Variants in ABCB4 observed in about 807,000 individuals in gnomAD.
ABCB4 encodes ATP binding cassette subfamily B member 4.
Under a neutral mutation model 145.7 loss-of-function variants are expected in ABCB4, and 76 were observed. The observed-to-expected ratio is 0.52, with a 90% confidence interval of 0.43 to 0.63. The LOEUF is 0.63. ABCB4 is among the 30% of genes least tolerant of loss of function. The pLI, the probability that ABCB4 is intolerant of heterozygous loss-of-function variation, is 0.00. For missense variants in ABCB4, 1,234 were observed against 1,553.1 expected (o/e 0.79, Z 3.45); for synonymous variants, 517 against 566.8 (o/e 0.91, Z 1.25).
At chr7:87,430,978 C>T (rs1304264571) in intron 15 of ABCB4, among the ~76,000 whole-genome samples, 1 of 152,180 alleles carries the variant, frequency 6.6e-6, no homozygotes, top group African/African-American at 2.4e-5. Flanking sequence ...AACCCTACAG[C>T]AGTGCTCTGG....
the ABCB4 span, among the ~76,000 whole-genome samples, chr7:87,388,310 A>G: frequency 2.6e-5 from 4 of 152,222 alleles, no homozygotes. Flanking sequence ...AAGAGCCTGT[A>G]TAGCCAAAAC....
the ABCB4 span, among the ~76,000 whole-genome samples, chr7:87,366,298 T>G: frequency 6.6e-6 from 1 of 152,142 alleles, no homozygotes; most frequent in Non-Finnish European, 1.5e-5. Context: ...TGGTATCCTT[T>G]TTGTTTCCCT....
intron 10 of ABCB4, among the ~76,000 whole-genome samples, chr7:87,444,644 A>G (rs1467687079): frequency 1.3e-5 from 2 of 152,212 alleles, no homozygotes; most frequent in African/African-American, 4.8e-5. Context: ...AAATGAGATC[A>G]GTATTATTAT....
intron 14 of ABCB4, among the ~76,000 whole-genome samples, chr7:87,436,430 C>A (rs2116654003): frequency 6.6e-6 from 1 of 152,046 alleles, no homozygotes; most frequent in South Asian, 2.1e-4. Context: ...ATAGGCATAA[C>A]TTCTGGGGCT....
At chr7:87,444,000 C>T (rs1811173181) in intron 10 of ABCB4, among the ~76,000 whole-genome samples, 2 of 152,258 alleles carry the variant, frequency 1.3e-5, no homozygotes, top group South Asian at 4.1e-4. Flanking sequence ...AGATATTCAT[C>T]TCATTTCATA....
At chr7:87,378,362 A>AAAAG in the ABCB4 span, among the ~76,000 whole-genome samples, 1 of 150,388 alleles carries the variant, frequency 6.6e-6, no homozygotes, top group African/African-American at 2.4e-5. Flanking sequence ...AAAAAAAAAA[A>AAAAG]GGGTTCAGTA....
chr7:87,407,438 A>G (rs990343555), intron 25 of ABCB4, among the ~76,000 whole-genome samples: 1 of 152,218 alleles, frequency 6.6e-6, no homozygotes, highest in African/African-American at 2.4e-5. Context: ...GTGACTGTCT[A>G]ATGGGGACAG....
At chr7:87,411,549 C>A (rs1190511215) in intron 23 of ABCB4, among the ~76,000 whole-genome samples, 1 of 152,128 alleles carries the variant, frequency 6.6e-6, no homozygotes, top group African/African-American at 2.4e-5. Context: ...AGCTATATAA[C>A]CCTGTTTTGA....
the ABCB4 span, among the ~76,000 whole-genome samples, chr7:87,394,722 T>TG: frequency 3.3e-5 from 5 of 152,148 alleles, no homozygotes; most frequent in Admixed American, 1.3e-4. Flanking sequence ...TAAAAAGGCA[T>TG]ACCTATAGAC....
At chr7:87,429,881 C>A in intron 15 of ABCB4, among the ~76,000 whole-genome samples, 1 of 147,330 alleles carries the variant, frequency 6.8e-6, no homozygotes, top group African/African-American at 2.5e-5. Flanking sequence ...CACCATTTAT[C>A]ATCATCTAAT....
intron 4 of ABCB4, among the ~76,000 whole-genome samples, chr7:87,455,301 T>A (rs1218708903): frequency 6.6e-6 from 1 of 152,226 alleles, no homozygotes; most frequent in Non-Finnish European, 1.5e-5. Context: ...TTGAGCTAAT[T>A]TGATAAAATG....
chr7:87,441,921 G>C (rs1184110353), intron 12 of ABCB4, among the ~76,000 whole-genome samples: 3 of 152,056 alleles, frequency 2.0e-5, no homozygotes, highest in Admixed American at 2.0e-4. Context: ...TTTCATCATA[G>C]TTTTATTGGT....
intron 7 of ABCB4, among the ~76,000 whole-genome samples, chr7:87,451,122 C>T (rs1021617618): frequency 6.6e-6 from 1 of 150,716 alleles, no homozygotes; most frequent in East Asian, 2.0e-4. Flanking sequence ...TAAGGGTAAT[C>T]GAAGTAAGAA....
At chr7:87,458,172 G>A (rs183500995) in intron 4 of ABCB4, among the ~76,000 whole-genome samples, 21 of 152,156 alleles carry the variant, frequency 1.4e-4, no homozygotes, top group African/African-American at 4.1e-4. Context: ...CTATTTTCCC[G>A]CAGAATTTTC....
the ABCB4 span, among the ~76,000 whole-genome samples, chr7:87,381,661 G>A: frequency 6.6e-6 from 1 of 152,034 alleles, no homozygotes; most frequent in South Asian, 2.1e-4. Context: ...ACACCCTCAT[G>A]ACCCCAAGCC....
rs774825940 is a variant in ABCB4, at chr7:87,455,145, G to A, written c.287-553C>T. 7.9e-5 allele frequency among the ~76,000 whole-genome samples: 12 copies of A among 152,302 alleles called. No individual in the cohort carries two copies. The South Asian group carries it at 8.3e-4, about 11-fold the overall frequency. ...CGCAAAGGAGGAAAAACTAGACAGG[G>A]AAGATAACTTAGTTGCTCAAAGGCA... is the stretch of plus-strand genomic sequence containing the variant. On this transcript the variant is annotated intron_variant, in intron 4 of 27. Transcript: ENST00000649586.
downstream of ABCB4, among the ~76,000 whole-genome samples, chr7:87,400,025 G>A (rs1234961126): frequency 6.6e-6 from 1 of 152,026 alleles, no homozygotes; most frequent in Admixed American, 6.6e-5. Flanking sequence ...CTGTAAATTT[G>A]GTGGCTGGGA....
At chr7:87,366,423 C>A in the ABCB4 span, among the ~76,000 whole-genome samples, 13 of 152,234 alleles carry the variant, frequency 8.5e-5, no homozygotes, top group South Asian at 2.7e-3. Flanking sequence ...CCTGCCCATT[C>A]CCCTTCATCT....
At chr7:87,467,796 C>T (rs1813031767) in intron 3 of ABCB4, among the ~76,000 whole-genome samples, 1 of 152,164 alleles carries the variant, frequency 6.6e-6, no homozygotes, top group South Asian at 2.1e-4. Flanking sequence ...TGAACGACTA[C>T]TGGGCACATA....
Sources: allele counts gnomAD v4.1 joint callset (sites outside exome capture counted in the v4.1 genomes callset), GRCh38; gene constraint gnomAD v4.1.1; transcripts MANE v1.5; gene names NCBI Gene and HGNC (gene_info 2026-07-23, HGNC 2026-07-21).